Variants in GRM7 observed in about 807,000 individuals in gnomAD.
The protein encoded by GRM7 is metabotropic glutamate receptor 7.
A neutral mutation model predicts 84.5 loss-of-function variants in GRM7; 35 were observed. The observed-to-expected ratio is 0.41, with a 90% CI of 0.32 to 0.55. The LOEUF is 0.55. GRM7 is among the 20% of genes least tolerant of loss of function. The probability of loss-of-function intolerance (pLI) is 0.19; values close to 1 mark genes in which losing one functional copy is unlikely to be tolerated. For missense variants in GRM7, 1,003 were observed against 1,194.6 expected, an observed-to-expected ratio of 0.84 and a Z score of 2.36; for synonymous variants, 487 against 455.1, an observed-to-expected ratio of 1.07 and a Z score of -0.89.
intron 1 of GRM7, among the ~76,000 whole-genome samples, chr3:7,018,701 G>T (rs1559387052): frequency 6.6e-6 from 1 of 152,244 alleles, no homozygotes; most frequent in Non-Finnish European, 1.5e-5. Flanking sequence ...TGCAGCAGTG[G>T]CTGGAATAGG....
chr3:7,061,414 G>A (rs1400166846), intron 1 of GRM7, among the ~76,000 whole-genome samples: 1 of 151,724 alleles, frequency 6.6e-6, no homozygotes, highest in African/African-American at 2.4e-5. Context: ...CTCATTTACA[G>A]ATGAGTAAAA....
chr3:6,908,470 G>T (rs959729582), intron 1 of GRM7, among the ~76,000 whole-genome samples: 6 of 152,056 alleles, frequency 3.9e-5, no homozygotes, highest in Admixed American at 6.6e-5. Context: ...CCCTCATTTC[G>T]CAGATGAAAA....
chr3:7,385,289 A>ATTTTTTTTT (rs574917994), intron 4 of GRM7, among the ~76,000 whole-genome samples: 3 of 67,262 alleles, frequency 4.5e-5, no homozygotes, highest in African/African-American at 1.1e-4. Flanking sequence ...TTCTATATGG[A>ATTTTTTTTT]TTTTTTTTTT....
chr3:7,300,107 A>T (rs1699946417), intron 3 of GRM7, among the ~76,000 whole-genome samples: 2 of 152,162 alleles, frequency 1.3e-5, no homozygotes, highest in African/African-American at 4.8e-5. Flanking sequence ...GCCAATTTAC[A>T]CTTCCATTGA....
chr3:7,225,483 A>C (rs1696953730), intron 2 of GRM7, among the ~76,000 whole-genome samples: 1 of 147,670 alleles, frequency 6.8e-6, no homozygotes, highest in South Asian at 2.1e-4. Flanking sequence ...ATAAATGTAA[A>C]TATAAATAAT....
chr3:6,981,346 G>A (rs546563867), intron 1 of GRM7, among the ~76,000 whole-genome samples: 13 of 152,268 alleles, frequency 8.5e-5, no homozygotes, highest in African/African-American at 3.1e-4. Context: ...TGGTGTTGAT[G>A]TTTTTTGCCA....
At chr3:7,468,648 C>T (rs1256771004) in intron 7 of GRM7, among the ~76,000 whole-genome samples, 1 of 152,104 alleles carries the variant, frequency 6.6e-6, no homozygotes, top group East Asian at 1.9e-4. Context: ...AATTATAATC[C>T]CCATGTGTTG....
intron 1 of GRM7, among the ~76,000 whole-genome samples, chr3:6,918,206 T>A (rs1697007496): frequency 6.6e-6 from 1 of 152,156 alleles, no homozygotes; most frequent in African/African-American, 2.4e-5. Flanking sequence ...GGTCATTCTG[T>A]GAGCTAGACA....
intron 1 of GRM7, among the ~76,000 whole-genome samples, chr3:6,966,131 C>T (rs148594415): frequency 2.0e-5 from 3 of 152,268 alleles, no homozygotes; most frequent in African/African-American, 4.8e-5. Flanking sequence ...CCGATGTTAA[C>T]AAAGAATTTA....
chr3:7,314,553 A>G (rs1421789716), intron 4 of GRM7, among the ~76,000 whole-genome samples: 1 of 151,364 alleles, frequency 6.6e-6, no homozygotes. Flanking sequence ...GACAGATGAT[A>G]ATCAATAGGC....
chr3:7,108,235 T>C (rs1692721834), intron 1 of GRM7, among the ~76,000 whole-genome samples: 1 of 151,996 alleles, frequency 6.6e-6, no homozygotes, highest in Non-Finnish European at 1.5e-5. Context: ...AAAATGAACA[T>C]CGGCATCCAT....
intron 1 of GRM7, among the ~76,000 whole-genome samples, chr3:7,119,545 C>G (rs1356497783): frequency 2.0e-5 from 3 of 152,156 alleles, no homozygotes; most frequent in African/African-American, 7.2e-5. Flanking sequence ...TTACTCGACA[C>G]TTTTCATCAC....
At chr3:7,021,461 G>T (rs972034194) in intron 1 of GRM7, among the ~76,000 whole-genome samples, 1 of 152,170 alleles carries the variant, frequency 6.6e-6, no homozygotes, top group African/African-American at 2.4e-5. Context: ...CCTAGAAAAG[G>T]TCACTTATGT....
At chr3:7,459,481 G>A (rs956299152) in intron 6 of GRM7, among the ~76,000 whole-genome samples, 5 of 152,030 alleles carry the variant, frequency 3.3e-5, no homozygotes, top group Admixed American at 6.6e-5. Context: ...AAAGAAAAGG[G>A]GGTTTAATGG....
chr3:7,596,108 G>T (rs575351022), intron 8 of GRM7, among the ~76,000 whole-genome samples: 1 of 152,302 alleles, frequency 6.6e-6, no homozygotes, highest in African/African-American at 2.4e-5. Flanking sequence ...TTGCAAAATG[G>T]TTTGATTAGG....
At chr3:7,083,937 G>A (rs1399929425) in intron 1 of GRM7, among the ~76,000 whole-genome samples, 2 of 152,086 alleles carry the variant, frequency 1.3e-5, no homozygotes, top group African/African-American at 2.4e-5. Flanking sequence ...GTGTTTGAAT[G>A]CTCACGAAGC....
chr3:7,420,233 A>G (rs968893602), intron 5 of GRM7, among the ~76,000 whole-genome samples: 2 of 152,108 alleles, frequency 1.3e-5, no homozygotes, highest in Admixed American at 6.6e-5. Flanking sequence ...CTTAAAGTCA[A>G]GTGCTCAGAA....
intron 1 of GRM7, among the ~76,000 whole-genome samples, chr3:7,130,939 T>TCACA (rs576425087): frequency 3.4e-4 from 51 of 149,000 alleles, no homozygotes; most frequent in South Asian, 1.5e-3. Context: ...CTTCACTCAC[T>TCACA]CACACACACA....
At chr3:7,697,432 A>C (rs1701063031) in intron 9 of GRM7, among the ~76,000 whole-genome samples, 1 of 152,178 alleles carries the variant, frequency 6.6e-6, no homozygotes, top group African/African-American at 2.4e-5. Context: ...TATTAGTGAC[A>C]GAAGTTTTAG....
Sources: gnomAD v4.1 joint callset for allele counts (sites outside exome capture counted in the v4.1 genomes callset) on GRCh38, gnomAD v4.1.1 for gene constraint, MANE v1.5 for transcripts, NCBI Gene and HGNC (gene_info 2026-07-23, HGNC 2026-07-21) for gene names.